The following TTC38 variants were observed in gnomAD, a reference collection of about 807,000 sequenced individuals.
The protein encoded by TTC38 is tetratricopeptide repeat protein 38.
In TTC38, 64 loss-of-function variants were observed where a neutral mutation model predicts 64.2. That is an observed-to-expected ratio of 1.00 (90% CI 0.81 to 1.23). TTC38 has a LOEUF of 1.23. Ranked by LOEUF, TTC38 falls within the 50% of genes most tolerant of loss-of-function variation. TTC38 has a pLI of 0.00. For missense variants in TTC38, 573 were observed against 615.5 expected, an observed-to-expected ratio of 0.93 and a Z score of 0.73; for synonymous variants, 254 against 249.3, an observed-to-expected ratio of 1.02 and a Z score of -0.18.
At position 46,288,608 on chromosome 22, in the gene TTC38, C is replaced by T. The variant is rs766387501; in HGVS notation, c.1082+20C>T. On this transcript the variant is annotated intron_variant, in intron 11 of 13. Coordinates refer to ENST00000381031, the MANE Select transcript of TTC38 (RefSeq NM_017931.4). ...CAGCGAGTATGCAGAGGGGCCTTCT[C>T]GGGGTGGGGGTCCTCACCCTGCCGA... is the stretch of plus-strand genomic sequence containing the variant. The T allele has an allele frequency of 1.2e-5, 20 of 1,610,646 alleles. No homozygotes were observed. Among genetic ancestry groups the T allele is most frequent in the East Asian group, 2.2e-5 (1 of 44,868 alleles).
In TTC38 at chr22:46,273,825, CAT is replaced by C; in HGVS notation, c.194-72_194-71del. ...CCTGGGACGTGGGGTGTCTCTGTGA[CAT>C]GTGGAGTCTGGGCTGGGATGGGCTG... On this transcript the variant is annotated intron_variant, in intron 3 of 13. Coordinates refer to ENST00000381031, the MANE Select transcript of TTC38 (RefSeq NM_017931.4). This position sits in a 1 kb window ranked among gnomAD's most constrained non-coding sequence, Gnocchi z 5.1. The C allele has an allele frequency of 6.6e-7, 1 of 1,514,088 alleles. No homozygotes were observed. Among genetic ancestry groups the C allele is most frequent in the Non-Finnish European group, 9.1e-7 (1 of 1,100,290 alleles). The allele number at this position is 1,514,088 out of a possible 1,614,324, so 93.8% of individuals were successfully genotyped here.
At chr22:46,285,839 G>A (rs1435436737) in intron 9 of TTC38, among the ~76,000 whole-genome samples, 4 of 151,270 alleles carry the variant, frequency 2.6e-5, no homozygotes, top group Non-Finnish European at 5.9e-5. Flanking sequence ...ATGGTGAAAC[G>A]CTGTCTCTAC....
At chr22:46,283,881 TG>T in intron 7 of TTC38, 91 bp from the exon 8 acceptor site, 1 of 530,718 alleles carries the variant, frequency 1.9e-6, no homozygotes, top group Non-Finnish European at 3.1e-6. Context: ...AAAAAAAAGA[TG>T]ATGGTTTCTG....
rs369332308 is a variant in TTC38 at position 46,289,886 on chromosome 22, A to C, written c.1303A>C (p.Lys435Gln). ...AALNCTSSVH[K>Q]NVARSLLMER... ...CTTAAACTGCACCTCCAGCGTCCATAAGAACGTAGCCCGGTGAGCTCCTGG... is the reference window on the plus strand; with the variant it reads ...CTTAAACTGCACCTCCAGCGTCCATCAGAACGTAGCCCGGTGAGCTCCTGG... The change falls in exon 13 of 14, where the codon AAG becomes CAG. Residue 435 changes from lysine to glutamine, a missense_variant. Physicochemically the swap from Lys to Gln is moderately conservative, Grantham distance 53 (BLOSUM62 1). Around this residue, in one of 3 missense-constraint regions of TTC38, gnomAD observed 371 missense variants for 381.8 expected, o/e 0.97. Transcript: ENST00000381031. 1.2e-6 allele frequency: 2 copies of C among 1,614,068 alleles called. No homozygotes were observed. Among genetic ancestry groups the C allele is most frequent in the Non-Finnish European group, 1.7e-6 (2 of 1,179,976 alleles).
intron 6 of TTC38, chr22:46,279,997 G>A (rs1432832617): frequency 1.5e-5 from 6 of 399,288 alleles, no homozygotes; most frequent in Non-Finnish European, 3.1e-5. Context: ...CTTGCAAGGA[G>A]CAAGAAGTGG....
At chr22:46,277,065 A>T (rs76683594) in intron 5 of TTC38, among the ~76,000 whole-genome samples, 10,734 of 151,100 alleles carry the variant, frequency 0.071, 535 homozygotes, top group Non-Finnish European at 0.11. Context: ...ACACACACAC[A>T]CACACACACA....
rs1215183113 is a variant in TTC38 at position 46,275,536 on chromosome 22, TCTC to T, written c.539+118_539+120del. On this transcript the variant is annotated intron_variant, in intron 5 of 13. Transcript: ENST00000381031. This position sits in a 1 kb window ranked among gnomAD's most constrained non-coding sequence, Gnocchi z 4.5. The stretch of plus-strand genomic sequence containing the variant: ...AAAATAATGGGACCACTGTTGCTAT[TCTC>T]CTAGTTCCTTAAAGTTCAAAGGCCT... 3 of 1,070,768 alleles carry T rather than the reference TCTC, an allele frequency of 2.8e-6. No homozygotes were observed. Among genetic ancestry groups the T allele is most frequent in the Non-Finnish European group, 4.0e-6 (3 of 746,380 alleles). 66.3% of individuals were successfully genotyped at this position (1,070,768 alleles called of 1,614,324 possible). A position where few individuals can be genotyped will look rare whatever the true frequency, so the allele number is the denominator to read the frequency against.
chr22:46,268,492 A>C (rs762231988), intron 1 of TTC38, 22 bp from the exon 2 acceptor site: 1 of 1,613,604 alleles, frequency 6.2e-7, no homozygotes, highest in South Asian at 1.1e-5. Context: ...AGGCACTGCT[A>C]TTCCCTTCTT....
Position 46,274,196 on chromosome 22 carries a change from A to T in TTC38, c.365+127A>T, listed in dbSNP as rs1936959833. 1.2e-6 allele frequency: 1 copy of T among 823,596 alleles called. No homozygotes were observed. Among genetic ancestry groups the T allele is most frequent in the Non-Finnish European group, 1.9e-6 (1 of 532,948 alleles). The allele number at this position is 823,596 out of a possible 1,614,324, so 51.0% of individuals were successfully genotyped here. A position where few individuals can be genotyped will look rare whatever the true frequency, so the allele number is the denominator to read the frequency against. ...AGAATGCTTCTCTCCCTGCCTCCTGAGATGCTCTGATGGAAAATCGCATCC... is the reference window on the plus strand; with the variant it reads ...AGAATGCTTCTCTCCCTGCCTCCTGTGATGCTCTGATGGAAAATCGCATCC... On this transcript the variant is annotated intron_variant, in intron 4 of 13. Transcript: ENST00000381031. This position sits in a 1 kb window ranked among gnomAD's most constrained non-coding sequence, Gnocchi z 4.8.
chr22:46,284,801 G>A (rs1433860308), intron 8 of TTC38, among the ~76,000 whole-genome samples: 5 of 149,682 alleles, frequency 3.3e-5, no homozygotes, highest in Admixed American at 1.3e-4. Flanking sequence ...CCTGGGACGC[G>A]GAGGTTACAG....
In TTC38 at chr22:46,274,699, C is replaced by T. The variant is rs1936969743; in HGVS notation, c.366-549C>T. The stretch of plus-strand genomic sequence containing the variant: ...AGACTTCCTGTGGCTGTCTCACGGT[C>T]TCCACTGGGATTATCTTTGGCAATT... On this transcript the variant is annotated intron_variant, in intron 4 of 13. Coordinates refer to ENST00000381031, the MANE Select transcript of TTC38 (RefSeq NM_017931.4). This position sits in a 1 kb window ranked among gnomAD's most constrained non-coding sequence, Gnocchi z 4.8. Among the ~76,000 whole-genome samples the T allele has an allele frequency of 6.6e-6, 1 of 151,610 alleles. No individual in the cohort carries two copies. The highest frequency in any genetic ancestry group is 2.4e-5 in the African/African-American group (1 of 41,164).
intron 7 of TTC38, 93 bp from the exon 8 acceptor site, chr22:46,283,880 A>G (rs1007455731): frequency 2.4e-6 from 1 of 411,344 alleles, no homozygotes; most frequent in Non-Finnish European, 4.5e-6. Flanking sequence ...AAAAAAAAAG[A>G]TGATGGTTTC....
chr22:46,268,129 C>A, intron 1 of TTC38, 57 bp downstream of exon 1: 2 of 1,506,316 alleles, frequency 1.3e-6, no homozygotes, highest in South Asian at 2.4e-5. Context: ...CTGGGGGTGG[C>A]CCGGTGCTGG....
intron 8 of TTC38, among the ~76,000 whole-genome samples, chr22:46,284,818 G>A (rs1387407861): frequency 2.9e-5 from 4 of 140,216 alleles, no homozygotes; most frequent in Admixed American, 7.8e-5. Flanking sequence ...ACAGTGAGCC[G>A]AGATTGTGCC....
intron 9 of TTC38, among the ~76,000 whole-genome samples, 165 bp downstream of exon 9, chr22:46,285,444 A>G (rs1009903625): frequency 7.9e-5 from 12 of 152,152 alleles, no homozygotes; most frequent in African/African-American, 2.7e-4. Flanking sequence ...GCCAAGAGCA[A>G]TGTTGTAACC....
chr22:46,293,261 C>A lies in TTC38; in HGVS notation c.*377C>A, dbSNP rs535052289. The A allele has an allele frequency of 1.2e-3, 270 of 231,940 alleles. 1 individual carries two copies. The highest frequency in any genetic ancestry group is 5.6e-3 in the African/African-American group (258 of 45,692). The allele number at this position is 231,940 out of a possible 1,614,324, so 14.4% of individuals were successfully genotyped here. A position where few individuals can be genotyped will look rare whatever the true frequency, so the allele number is the denominator to read the frequency against. On this transcript the variant is annotated 3_prime_UTR_variant, in exon 14 of 14. Coordinates refer to ENST00000381031, the MANE Select transcript of TTC38 (RefSeq NM_017931.4). The surrounding 1 kb of genome is among the most constrained non-coding windows in gnomAD (Gnocchi z 6.6). Reference sequence around the variant, plus strand: ...AGGTCTTCCAGAGGCAGCCTCCCCCCACTGCCTGTCCCCGTCCCCACCAGG... The same window carrying A: ...AGGTCTTCCAGAGGCAGCCTCCCCCAACTGCCTGTCCCCGTCCCCACCAGG...
Position 46,292,911 on chromosome 22 carries a change from G to C in TTC38, c.*27G>C, listed in dbSNP as rs57993528. ...CCAGCCTGGCCGCCTCCACCCTGCA[G>C]AACCTCAGTGGTGGCGTCACTGCGT... On this transcript the variant is annotated 3_prime_UTR_variant, in exon 14 of 14. Coordinates refer to ENST00000381031, the MANE Select transcript of TTC38 (RefSeq NM_017931.4). This position sits in a 1 kb window ranked among gnomAD's most constrained non-coding sequence, Gnocchi z 6.5. 6.4e-6 allele frequency: 10 copies of C among 1,571,494 alleles called. No homozygotes were observed. The highest frequency in any genetic ancestry group is 8.8e-6 in the Non-Finnish European group (10 of 1,142,498).
Position 46,291,656 on chromosome 22 carries a change from T to TA in TTC38, c.1317-1131dup, listed in dbSNP as rs2077616755. On this transcript the variant is annotated intron_variant, in intron 13 of 13. Transcript: ENST00000381031. The surrounding 1 kb of genome is among the most constrained non-coding windows in gnomAD (Gnocchi z 4.6). Reference sequence around the variant, plus strand: ...TCTTAGTCAGTTTGGGTTGTTATTTTAAAAGTGCCACAGACAGGCCGGGCA... The same window carrying TA: ...TCTTAGTCAGTTTGGGTTGTTATTTTAAAAAGTGCCACAGACAGGCCGGGCA... Among the ~76,000 whole-genome samples the TA allele has an allele frequency of 6.6e-6, 1 of 152,146 alleles. No individual in the cohort carries two copies. The highest frequency in any genetic ancestry group is 2.4e-5 in the African/African-American group (1 of 41,422).
Position 46,285,876 on chromosome 22 carries a change from G to A in TTC38, c.834+597G>A, listed in dbSNP as rs187621812. Reference sequence around the variant, plus strand: ...AAAAATACAAAAAAATTAGCTAGGCGTGGTGGTGGGCACCTGTAATCCCAG... The same window carrying A: ...AAAAATACAAAAAAATTAGCTAGGCATGGTGGTGGGCACCTGTAATCCCAG... On this transcript the variant is annotated intron_variant, in intron 9 of 13. Coordinates refer to ENST00000381031, the MANE Select transcript of TTC38 (RefSeq NM_017931.4). Among the ~76,000 whole-genome samples the A allele has an allele frequency of 2.8e-3, 427 of 151,750 alleles. 6 individuals carry two copies. Among genetic ancestry groups the A allele is most frequent in the Admixed American group, 0.025 (386 of 15,228 alleles).
Sources: gnomAD v4.1 joint callset for allele counts (sites outside exome capture counted in the v4.1 genomes callset) on GRCh38, gnomAD v4.1.1 for gene constraint, gnomAD v4.1.1 regional missense constraint, Gnocchi (gnomAD v3.1) non-coding constraint, MANE v1.5 for transcripts, NCBI Gene and HGNC (gene_info 2026-07-23, HGNC 2026-07-21) for gene names.